Variants in TANC1 observed in about 807,000 individuals in gnomAD.
TANC1 encodes tetratricopeptide repeat, ankyrin repeat and coiled-coil containing 1, also known as protein TANC1.
In TANC1, 77 loss-of-function variants were observed where a neutral mutation model predicts 149.7. That is an observed-to-expected ratio of 0.51 (90% CI 0.43 to 0.62). TANC1 has a LOEUF of 0.62. TANC1 is among the 20% of genes least tolerant of loss of function. The pLI, the probability that TANC1 is intolerant of heterozygous loss-of-function variation, is 0.00. For missense variants in TANC1, 1,985 were observed against 2,321.8 expected (o/e 0.85, Z 2.98); for synonymous variants, 854 against 925.0 (o/e 0.92, Z 1.39).
chr2:159,089,234 G>A (rs2045280077), intron 3 of TANC1, among the ~76,000 whole-genome samples: 1 of 152,058 alleles, frequency 6.6e-6, no homozygotes, highest in African/African-American at 2.4e-5. Flanking sequence ...TAAAATTACT[G>A]GAAATTCTTT....
intron 3 of TANC1, among the ~76,000 whole-genome samples, chr2:159,069,161 C>G (rs1308070770): frequency 6.6e-6 from 1 of 152,132 alleles, no homozygotes; most frequent in Non-Finnish European, 1.5e-5. Flanking sequence ...ATGCTTATAG[C>G]TGGGCAAAAA....
chr2:159,092,275 C>G (rs2045634655), intron 3 of TANC1, among the ~76,000 whole-genome samples: 1 of 152,148 alleles, frequency 6.6e-6, no homozygotes, highest in Admixed American at 6.5e-5. Flanking sequence ...CAGGCCTTCC[C>G]TTCCTGAAAT....
At chr2:159,119,174 A>G (rs1344832743) in intron 4 of TANC1, among the ~76,000 whole-genome samples, 3 of 152,122 alleles carry the variant, frequency 2.0e-5, no homozygotes, top group Non-Finnish European at 4.4e-5. Context: ...ATGTCTTCAG[A>G]TGTTTTTGTA....
rs532192890 is a variant in TANC1, at chr2:159,064,950, G to C, written c.-15-946G>C. On this transcript the variant is annotated intron_variant, in intron 2 of 26. Transcript: ENST00000263635. ...CCCCTCCCCACCCCTTTTCTTGCCTGTTCAATAGAGACCTGCTTGCCTTCT... is the reference window on the plus strand; with the variant it reads ...CCCCTCCCCACCCCTTTTCTTGCCTCTTCAATAGAGACCTGCTTGCCTTCT... Among the ~76,000 whole-genome samples, 5 of 151,442 alleles carry C rather than the reference G, an allele frequency of 3.3e-5. No individual in the cohort carries two copies. The East Asian group carries it at 9.8e-4, about 30-fold the overall frequency.
chr2:158,994,977 G>A (rs1277833259), intron 1 of TANC1, among the ~76,000 whole-genome samples: 1 of 152,184 alleles, frequency 6.6e-6, no homozygotes, highest in Non-Finnish European at 1.5e-5. Flanking sequence ...GGAAGGCTTC[G>A]AGCTGGACAG....
intron 2 of TANC1, among the ~76,000 whole-genome samples, chr2:159,062,264 A>G (rs950839388): frequency 1.3e-5 from 2 of 152,150 alleles, no homozygotes; most frequent in East Asian, 1.9e-4. Flanking sequence ...AAACAAAACA[A>G]AAACCACACA....
chr2:159,065,900 A>G lies in TANC1; in HGVS notation c.-11A>G. ...CTCTGTTTCTTTTCTCCTTAGAAAC[A>G]AGTGTTGAAAATGTTAAAGGCTGTG... On this transcript the variant is annotated 5_prime_UTR_variant, in exon 3 of 27. Coordinates refer to ENST00000263635, the MANE Select transcript of TANC1 (RefSeq NM_033394.3). 6.2e-7 allele frequency: 1 copy of G among 1,612,840 alleles called. No individual in the cohort carries two copies. Among genetic ancestry groups the G allele is most frequent in the Non-Finnish European group, 8.5e-7 (1 of 1,178,826 alleles).
intron 4 of TANC1, among the ~76,000 whole-genome samples, chr2:159,098,872 A>G (rs1211680804): frequency 1.3e-5 from 2 of 151,856 alleles, no homozygotes; most frequent in Non-Finnish European, 2.9e-5. Flanking sequence ...CAAAAGGCGG[A>G]TAATTTGGGG....
intron 2 of TANC1, among the ~76,000 whole-genome samples, chr2:159,013,685 G>A (rs1331100912): frequency 2.6e-5 from 4 of 152,166 alleles, no homozygotes; most frequent in African/African-American, 9.7e-5. Context: ...ATTGTCTTGT[G>A]TCCTCCTGAT....
intron 7 of TANC1, among the ~76,000 whole-genome samples, chr2:159,154,341 G>T (rs988577173): frequency 2.0e-5 from 3 of 152,190 alleles, no homozygotes; most frequent in African/African-American, 7.2e-5. Context: ...TTTTTGTCCA[G>T]CAGATGCAGG....
chr2:159,178,438 C>T, intron 13 of TANC1, 118 bp from the exon 14 acceptor site: 1 of 1,190,400 alleles, frequency 8.4e-7, no homozygotes, highest in Non-Finnish European at 1.2e-6. Flanking sequence ...ACAATGAGTC[C>T]CTGTAATCCA....
intron 5 of TANC1, among the ~76,000 whole-genome samples, chr2:159,142,792 G>A (rs2051520720): frequency 6.6e-6 from 1 of 151,064 alleles, no homozygotes; most frequent in African/African-American, 2.4e-5. Context: ...GGCCAGGCAC[G>A]ATGGCTGACA....
At chr2:158,985,440 A>C (rs2149247216) in intron 1 of TANC1, among the ~76,000 whole-genome samples, 1 of 152,348 alleles carries the variant, frequency 6.6e-6, no homozygotes, top group Admixed American at 6.5e-5. Flanking sequence ...GGCAGCACCC[A>C]GACTACAAAA....
chr2:159,089,026 T>A (rs1005004785), intron 3 of TANC1, among the ~76,000 whole-genome samples: 4 of 152,166 alleles, frequency 2.6e-5, no homozygotes, highest in African/African-American at 9.7e-5. Flanking sequence ...AAAGATGCAA[T>A]CAGCCAGGTT....
At chr2:159,144,135 A>T (rs1202646638) in intron 5 of TANC1, among the ~76,000 whole-genome samples, 3 of 152,124 alleles carry the variant, frequency 2.0e-5, no homozygotes, top group Non-Finnish European at 2.9e-5. Context: ...CCAAACTCTG[A>T]TAGTCCTCTA....
chr2:159,208,073 C>T lies in TANC1; in HGVS notation c.3244+9020C>T, dbSNP rs140466448. On this transcript the variant is annotated intron_variant, in intron 19 of 26. Coordinates refer to ENST00000263635, the MANE Select transcript of TANC1 (RefSeq NM_033394.3). ...TAACCCCTGTGACTCAGTTATTTCA[C>T]CTCAGTAACATGGGCATCATCATGA... Among the ~76,000 whole-genome samples, 285 of 152,224 alleles carry T rather than the reference C, an allele frequency of 1.9e-3. 1 individual carries two copies. The highest frequency in any genetic ancestry group is 6.5e-3 in the African/African-American group (270 of 41,520).
intron 22 of TANC1, among the ~76,000 whole-genome samples, chr2:159,222,621 G>A (rs928334272): frequency 3.3e-5 from 5 of 152,080 alleles, no homozygotes; most frequent in South Asian, 2.1e-4. Flanking sequence ...ACCACATCTC[G>A]TTTATCCAGT....
At chr2:159,168,317 T>TTTTTTG (rs2054821198) in intron 8 of TANC1, among the ~76,000 whole-genome samples, 1 of 150,726 alleles carries the variant, frequency 6.6e-6, no homozygotes, top group Non-Finnish European at 1.5e-5. Flanking sequence ...TTTTTTTTTT[T>TTTTTTG]GAGACAGAGT....
rs535167189 is a variant in TANC1 at position 158,988,778 on chromosome 2, A to G, written c.-125-12302A>G. On this transcript the variant is annotated intron_variant, in intron 1 of 26. Transcript: ENST00000263635. Reference sequence around the variant, plus strand: ...AGCAGGCATTCTTTCTTCCTACCTCATGGGGTTTTTGCAGGTGAGGCTCTG... The same window carrying G: ...AGCAGGCATTCTTTCTTCCTACCTCGTGGGGTTTTTGCAGGTGAGGCTCTG... 3.3e-5 allele frequency among the ~76,000 whole-genome samples: 5 copies of G among 152,168 alleles called. No individual in the cohort carries two copies. The East Asian group carries it at 9.7e-4, about 29-fold the overall frequency.
Sources: allele counts gnomAD v4.1 joint callset (sites outside exome capture counted in the v4.1 genomes callset), GRCh38; gene constraint gnomAD v4.1.1; transcripts MANE v1.5; gene names NCBI Gene and HGNC (gene_info 2026-07-23, HGNC 2026-07-21).